Variants in LIN28B observed in about 807,000 individuals in gnomAD.
LIN28B encodes protein lin-28 homolog B.
LIN28B carries 5 observed loss-of-function variants against 21.9 expected under a neutral mutation model. That is an observed-to-expected ratio of 0.23 (90% confidence interval 0.12 to 0.48). The LOEUF (loss-of-function observed/expected upper bound fraction) is 0.48. LIN28B is among the 20% of genes least tolerant of loss of function. The pLI is 0.98. For missense variants in LIN28B, 245 were observed against 310.5 expected (o/e 0.79, Z 1.58); for synonymous variants, 109 against 111.3 (o/e 0.98, Z 0.13).
chr6:105,025,756 A>C (rs1771274797), intron 2 of LIN28B, among the ~76,000 whole-genome samples: 1 of 152,118 alleles, frequency 6.6e-6, no homozygotes, highest in Non-Finnish European at 1.5e-5. Context: ...ATAAATAAAC[A>C]AAATTAAAAT....
intron 3 of LIN28B, among the ~76,000 whole-genome samples, chr6:105,032,365 T>A (rs1771442490): frequency 6.6e-6 from 1 of 152,190 alleles, no homozygotes; most frequent in African/African-American, 2.4e-5. Context: ...TCTTTTGCAT[T>A]CCCACCACTG....
intron 2 of LIN28B, among the ~76,000 whole-genome samples, chr6:105,020,552 C>G (rs1771118214): frequency 6.6e-6 from 1 of 151,858 alleles, no homozygotes; most frequent in Non-Finnish European, 1.5e-5. Context: ...CTCCTGAGCT[C>G]AAGCAGTCTA....
At chr6:105,008,940 T>A (rs149808144) in intron 2 of LIN28B, among the ~76,000 whole-genome samples, 6 of 152,344 alleles carry the variant, frequency 3.9e-5, no homozygotes, top group African/African-American at 1.2e-4. Context: ...AACAAGTTAT[T>A]ATAATAAGGC....
intron 3 of LIN28B, among the ~76,000 whole-genome samples, chr6:105,059,591 A>G (rs1025497107): frequency 6.6e-6 from 1 of 152,188 alleles, no homozygotes; most frequent in Non-Finnish European, 1.5e-5. Context: ...GATTTGACAA[A>G]AAATTGATTA....
chr6:104,993,255 G>A (rs1469877530), intron 2 of LIN28B, among the ~76,000 whole-genome samples: 1 of 152,036 alleles, frequency 6.6e-6, no homozygotes, highest in Admixed American at 6.5e-5. Flanking sequence ...ATCACATGAG[G>A]CGAGTTCAGG....
chr6:104,968,405 C>G (rs1769907288), intron 2 of LIN28B, among the ~76,000 whole-genome samples: 2 of 152,140 alleles, frequency 1.3e-5, no homozygotes, highest in South Asian at 4.1e-4. Context: ...TGTGGAGAAA[C>G]TGTTTTTGCC....
chr6:105,074,121 G>A (rs1349835499), intron 3 of LIN28B, among the ~76,000 whole-genome samples: 1 of 152,106 alleles, frequency 6.6e-6, no homozygotes, highest in Non-Finnish European at 1.5e-5. Context: ...AGTTCTAAAG[G>A]TCTAAACAAT....
At chr6:105,013,489 G>A (rs1026489586) in intron 2 of LIN28B, among the ~76,000 whole-genome samples, 2 of 151,822 alleles carry the variant, frequency 1.3e-5, no homozygotes, top group Non-Finnish European at 2.9e-5. Context: ...TATAATCCCA[G>A]CACTTTGGGA....
At chr6:104,972,117 C>T (rs1027769713) in intron 2 of LIN28B, among the ~76,000 whole-genome samples, 13 of 152,004 alleles carry the variant, frequency 8.6e-5, no homozygotes, top group African/African-American at 3.1e-4. Flanking sequence ...ACTACAGGTG[C>T]ACGCCACCAC....
Position 104,999,925 on chromosome 6 carries a change from G to C in LIN28B, c.199-26373G>C, listed in dbSNP as rs145727401. Among the ~76,000 whole-genome samples the C allele has an allele frequency of 3.8e-3, 584 of 152,124 alleles. 4 individuals are homozygous for C. Among genetic ancestry groups the C allele is most frequent in the African/African-American group, 0.013 (552 of 41,510 alleles). On this transcript the variant is annotated intron_variant, in intron 2 of 3. Coordinates refer to ENST00000345080, the MANE Select transcript of LIN28B (RefSeq NM_001004317.4). ...GAACTCCCAACCTTAGGTGTGATCCGCCTGCCTCGGCCTCCCAAAGTGCTG... is the reference window on the plus strand; with the variant it reads ...GAACTCCCAACCTTAGGTGTGATCCCCCTGCCTCGGCCTCCCAAAGTGCTG...
At chr6:104,993,172 G>T (rs1214584705) in intron 2 of LIN28B, among the ~76,000 whole-genome samples, 1 of 151,992 alleles carries the variant, frequency 6.6e-6, no homozygotes, top group African/African-American at 2.4e-5. Context: ...ATATTATTAA[G>T]ACTAGTTTTG....
intron 2 of LIN28B, among the ~76,000 whole-genome samples, chr6:104,992,519 T>G (rs973990988): frequency 4.0e-5 from 6 of 150,110 alleles, no homozygotes; most frequent in African/African-American, 1.5e-4. Context: ...TGTGTGTTTT[T>G]TTTTTAAACA....
At chr6:104,950,129 ATAC>A (rs1778203622) in intron 2 of LIN28B, among the ~76,000 whole-genome samples, 1 of 152,174 alleles carries the variant, frequency 6.6e-6, no homozygotes, top group Non-Finnish European at 1.5e-5. Flanking sequence ...CTTGGAAAAA[ATAC>A]TAGTATTTTA....
Position 104,958,180 on chromosome 6 carries a change from C to T in LIN28B, c.92C>T (p.Thr31Ile). ...AEEESQVLRG[T>I]GHCKWFNVRM... is the part of the protein sequence containing the mutation. The stretch of plus-strand genomic sequence containing the variant: ...GAGGAATCCCAGGTTTTGCGCGGAA[C>T]TGGCCACTGTAAGTGGTTCAATGTG... The change falls in exon 2 of 4, where the codon ACT becomes ATT. Residue 31 changes from threonine to isoleucine, a missense_variant. By Grantham distance (89) the Thr-to-Ile change is moderately conservative (BLOSUM62 -1). Transcript: ENST00000345080. 2 of 1,609,072 alleles carry T rather than the reference C, an allele frequency of 1.2e-6. No individual in the cohort carries two copies. The highest frequency in any genetic ancestry group is 1.7e-6 in the Non-Finnish European group (2 of 1,176,076).
At chr6:104,946,182 C>T (rs1376428874) in intron 2 of LIN28B, among the ~76,000 whole-genome samples, 1 of 151,804 alleles carries the variant, frequency 6.6e-6, no homozygotes, top group African/African-American at 2.4e-5. Context: ...AAATATTTCA[C>T]CGAATGTGAA....
intron 2 of LIN28B, among the ~76,000 whole-genome samples, chr6:104,970,255 C>G (rs1340138439): frequency 6.6e-6 from 1 of 152,298 alleles, no homozygotes; most frequent in Admixed American, 6.5e-5. Flanking sequence ...AAATGGGCCC[C>G]TATTAAGATT....
In LIN28B at chr6:104,958,068, A is replaced by C. The variant is rs377473758; in HGVS notation, c.11-31A>C. ...TTGAATGCACATTGAATGGGAATAC[A>C]GACTGACTTTTTTGTCCTGTTCCTT... is the stretch of plus-strand genomic sequence containing the variant. On this transcript the variant is annotated intron_variant, in intron 1 of 3. Coordinates refer to ENST00000345080, the MANE Select transcript of LIN28B (RefSeq NM_001004317.4). The C allele has an allele frequency of 7.4e-4, 1,091 of 1,482,016 alleles. 11 individuals carry two copies. The South Asian group carries it at 0.014, about 19-fold the overall frequency. The allele number at this position is 1,482,016 out of a possible 1,614,324, so 91.8% of individuals were successfully genotyped here.
chr6:104,961,434 A>T (rs1769736800), intron 2 of LIN28B, among the ~76,000 whole-genome samples: 2 of 151,994 alleles, frequency 1.3e-5, no homozygotes, highest in Non-Finnish European at 2.9e-5. Context: ...GGAGTCTCAC[A>T]CTGTCACCCG....
At chr6:105,070,727 C>G (rs1772318012) in intron 3 of LIN28B, among the ~76,000 whole-genome samples, 1 of 151,790 alleles carries the variant, frequency 6.6e-6, no homozygotes, top group South Asian at 2.1e-4. Context: ...GCAGTGAGCC[C>G]TTATCACGCC....
Sources: gnomAD v4.1 joint callset for allele counts (sites outside exome capture counted in the v4.1 genomes callset) on GRCh38, gnomAD v4.1.1 for gene constraint, MANE v1.5 for transcripts, NCBI Gene and HGNC (gene_info 2026-07-23, HGNC 2026-07-21) for gene names.